Variants in UTRN observed in about 807,000 individuals in gnomAD.
UTRN encodes the protein dystrophin-related protein 1.
In UTRN, 283 loss-of-function variants were observed where a neutral mutation model predicts 463.9. That is an observed-to-expected ratio of 0.61 (90% CI 0.55 to 0.67). The LOEUF (loss-of-function observed/expected upper bound fraction) is 0.67. Ranked by LOEUF, UTRN falls within the 30% of genes least tolerant of loss-of-function variation. The pLI is 0.00. For synonymous variants in UTRN, 1,442 were observed against 1,431.5 expected (o/e 1.01, Z -0.17); for missense variants, 3,922 against 4,084.3 (o/e 0.96, Z 1.08).
chr6:144,617,990 T>G (rs1806322843), intron 51 of UTRN, among the ~76,000 whole-genome samples: 1 of 152,186 alleles, frequency 6.6e-6, no homozygotes, highest in African/African-American at 2.4e-5. Context: ...AATCCTTTCC[T>G]TTGACTGTAT....
intron 19 of UTRN, among the ~76,000 whole-genome samples, chr6:144,457,307 G>A (rs1455630815): frequency 2.0e-5 from 3 of 152,118 alleles, no homozygotes; most frequent in East Asian, 1.9e-4. Flanking sequence ...TGTTTTAACC[G>A]CCCTTGTTCT....
chr6:144,359,759 A>G lies in UTRN; in HGVS notation c.80-43364A>G, dbSNP rs367945895. 5.1e-4 allele frequency among the ~76,000 whole-genome samples: 77 copies of G among 151,536 alleles called. 3 individuals carry two copies. In the South Asian group the frequency reaches 0.014, roughly 28 times the overall value. On this transcript the variant is annotated intron_variant, in intron 2 of 74. Coordinates refer to ENST00000367545, the MANE Select transcript of UTRN (RefSeq NM_007124.3). ...TCTTTTTTAGTTACTCTGCCATTCA[A>G]CAGTTAAAGTTGAAATTCATCCCTC...
In UTRN at chr6:144,557,286, A is replaced by C; in HGVS notation, c.7264A>C (p.Thr2422Pro). 1 of 1,613,654 alleles carries C rather than the reference A, an allele frequency of 6.2e-7. No individual in the cohort carries two copies. Among genetic ancestry groups the C allele is most frequent in the Non-Finnish European group, 8.5e-7 (1 of 1,179,736 alleles). ...NVKETTEYLK[T>P]SWINLKQSIA... ...GAAAGAAACCACAGAGTACTTAAAA[A>C]CATCATGGATCAATCTCAAACAAAG... Residue 2422 changes from threonine to proline, a missense_variant, in exon 50 of 75, where the codon ACA (threonine) becomes CCA (proline). Physicochemically the swap from Thr to Pro is conservative, Grantham distance 38. This residue lies in a region of UTRN where 1,309 missense variants were observed against 1,452.6 expected (regional missense o/e 0.90). Coordinates refer to ENST00000367545, the MANE Select transcript of UTRN (RefSeq NM_007124.3).
chr6:144,358,108 C>G (rs957742470), intron 2 of UTRN, among the ~76,000 whole-genome samples: 1 of 152,218 alleles, frequency 6.6e-6, no homozygotes, highest in Non-Finnish European at 1.5e-5. Context: ...AAGCATCTAT[C>G]TTATATGGAT....
At chr6:144,317,343 C>A (rs868213560) in intron 2 of UTRN, among the ~76,000 whole-genome samples, 2 of 152,124 alleles carry the variant, frequency 1.3e-5, no homozygotes, top group Non-Finnish European at 2.9e-5. Context: ...GCAGGAAGTT[C>A]GCCAACGATT....
At chr6:144,471,359 T>G (rs1032378169) in intron 23 of UTRN, among the ~76,000 whole-genome samples, 1 of 152,196 alleles carries the variant, frequency 6.6e-6, no homozygotes, top group Non-Finnish European at 1.5e-5. Context: ...ATATAAATTT[T>G]GAAAATTTTG....
At chr6:144,310,222 G>C (rs960932455) in intron 2 of UTRN, among the ~76,000 whole-genome samples, 1 of 152,210 alleles carries the variant, frequency 6.6e-6, no homozygotes, top group African/African-American at 2.4e-5. Context: ...GCTACATAGT[G>C]AAACCCCATC....
chr6:144,829,507 A>T (rs1163960698), intron 69 of UTRN, among the ~76,000 whole-genome samples: 1 of 152,000 alleles, frequency 6.6e-6, no homozygotes, highest in Admixed American at 6.6e-5. Context: ...TGATTATCCC[A>T]CTATTGTGTG....
intron 2 of UTRN, among the ~76,000 whole-genome samples, chr6:144,366,656 G>A (rs1002428249): frequency 2.0e-5 from 3 of 152,112 alleles, no homozygotes; most frequent in Non-Finnish European, 2.9e-5. Context: ...CCATTGATGG[G>A]CATTTAGGTT....
In UTRN at chr6:144,285,687, T is replaced by TTA; in HGVS notation, c.-227_-226insTA. 6.6e-6 allele frequency: 1 copy of TTA among 151,692 alleles called. No individual in the cohort carries two copies. Among genetic ancestry groups the TTA allele is most frequent in the Non-Finnish European group, 1.5e-5 (1 of 67,912 alleles). The allele number at this position is 151,692 out of a possible 1,614,324, so 9.4% of individuals were successfully genotyped here. A position where few individuals can be genotyped will look rare whatever the true frequency, so the allele number is the denominator to read the frequency against. ...CTTCTCCAAGCTTTATTTTTTTTTT[T>TTA]AAATACATCGCACCACCAAACTAAC... On this transcript the variant is annotated 5_prime_UTR_variant, in exon 1 of 75. Transcript: ENST00000367545.
chr6:144,523,763 T>G (rs1796329589), intron 41 of UTRN, among the ~76,000 whole-genome samples: 1 of 152,180 alleles, frequency 6.6e-6, no homozygotes, highest in African/African-American at 2.4e-5. Context: ...TTAAAAAAAC[T>G]AAAGAAATTT....
At chr6:144,453,909 G>A in intron 19 of UTRN, 40 bp downstream of exon 19, 6 of 1,560,590 alleles carry the variant, frequency 3.8e-6, no homozygotes, top group Non-Finnish European at 4.4e-6. Context: ...TTTTCAGATG[G>A]TGGCATCGAA....
intron 2 of UTRN, among the ~76,000 whole-genome samples, chr6:144,352,169 C>A (rs2114660822): frequency 6.6e-6 from 1 of 152,260 alleles, no homozygotes; most frequent in South Asian, 2.1e-4. Flanking sequence ...AACTCTAACC[C>A]ACCCATGCAA....
chr6:144,578,245 C>G (rs1339882085), intron 51 of UTRN, among the ~76,000 whole-genome samples: 1 of 152,164 alleles, frequency 6.6e-6, no homozygotes, highest in East Asian at 1.9e-4. Context: ...ATGGGGAAGT[C>G]TCCTTGTCAA....
chr6:144,780,356 T>C (rs1486481928), intron 60 of UTRN, among the ~76,000 whole-genome samples: 1 of 152,096 alleles, frequency 6.6e-6, no homozygotes, highest in Non-Finnish European at 1.5e-5. Context: ...TTGCCTCTTA[T>C]TTTTTTAATG....
At chr6:144,475,296 G>T (rs1383712637) in intron 25 of UTRN, among the ~76,000 whole-genome samples, 1 of 152,230 alleles carries the variant, frequency 6.6e-6, no homozygotes, top group Non-Finnish European at 1.5e-5. Context: ...AGTAAAGTAA[G>T]AGATGAGCCT....
chr6:144,774,216 C>A (rs917773501), intron 59 of UTRN, 74 bp from the exon 60 acceptor site: 2 of 1,366,602 alleles, frequency 1.5e-6, no homozygotes, highest in Non-Finnish European at 2.0e-6. Context: ...TCCAAAGTAA[C>A]CAAATACATT....
At chr6:144,727,866 G>T (rs1788059020) in intron 53 of UTRN, among the ~76,000 whole-genome samples, 1 of 152,092 alleles carries the variant, frequency 6.6e-6, no homozygotes, top group East Asian at 1.9e-4. Flanking sequence ...AAGGCAGGTG[G>T]ATCACCTGAG....
intron 51 of UTRN, among the ~76,000 whole-genome samples, chr6:144,670,012 C>A (rs1466741139): frequency 1.3e-5 from 2 of 148,638 alleles, no homozygotes; most frequent in Admixed American, 6.7e-5. Flanking sequence ...TTTACATTTT[C>A]TTTATCCACT....
Sources: allele counts gnomAD v4.1 joint callset (sites outside exome capture counted in the v4.1 genomes callset), GRCh38; gene constraint gnomAD v4.1.1; regional missense constraint gnomAD v4.1.1; transcripts MANE v1.5; gene names NCBI Gene and HGNC (gene_info 2026-07-23, HGNC 2026-07-21).